Variants in SLC26A3 observed in about 807,000 individuals in gnomAD.
SLC26A3 encodes solute carrier family 26 member 3.
In SLC26A3, 64 loss-of-function variants were observed where a neutral mutation model predicts 85.6. The ratio of observed to expected loss-of-function variants is 0.75; its 90% CI spans 0.61 to 0.92. The LOEUF (loss-of-function observed/expected upper bound fraction) is 0.92, where lower values mean the gene tolerates loss of function less well. Ranked by LOEUF, SLC26A3 falls within the 40% of genes least tolerant of loss-of-function variation. The pLI is 0.00. For synonymous variants in SLC26A3, 349 were observed against 336.0 expected (o/e 1.04, Z -0.42); for missense variants, 922 against 927.3 (o/e 0.99, Z 0.07).
At chr7:107,800,074 C>T (rs1794574733) in intron 1 of SLC26A3, among the ~76,000 whole-genome samples, 1 of 152,214 alleles carries the variant, frequency 6.6e-6, no homozygotes, top group Non-Finnish European at 1.5e-5. Flanking sequence ...AGCTTCTTCA[C>T]TCCTCCTTCA....
intron 12 of SLC26A3, 79 bp from the exon 13 acceptor site, chr7:107,778,360 C>CTTTT (rs10681903): frequency 0.046 from 20,913 of 453,530 alleles, 309 homozygotes; most frequent in Non-Finnish European, 0.053. Context: ...TTTAAAAAGA[C>CTTTT]TTTTTTTTTT....
chr7:107,767,514 A>T, intron 20 of SLC26A3, 65 bp downstream of exon 20: 1 of 1,223,658 alleles, frequency 8.2e-7, no homozygotes, highest in Non-Finnish European at 1.2e-6. Context: ...AAGTGGCCTC[A>T]CTACTTTGAA....
chr7:107,800,151 C>T (rs948750049), intron 1 of SLC26A3, among the ~76,000 whole-genome samples: 6 of 152,158 alleles, frequency 3.9e-5, no homozygotes, highest in African/African-American at 1.4e-4. Context: ...ACATGATTTC[C>T]TTTGTGTTCT....
chr7:107,767,545 T>C (rs771314710), intron 20 of SLC26A3, 34 bp downstream of exon 20: 1 of 1,507,066 alleles, frequency 6.6e-7, no homozygotes, highest in East Asian at 2.3e-5. Context: ...TGCTGTGATG[T>C]CTAGGTGAAG....
At position 107,783,290 on chromosome 7, in the gene SLC26A3, C is replaced by T. The variant is rs975889065; in HGVS notation, c.1034G>A (p.Gly345Asp). ...TFQNTVGDCF[G>D]IAMVAFAVAF... ...CACTGCAAATGCAACCATTGCGATG[C>T]CGAAGCAATCTCCTACGGTGTTTTG... The change falls in exon 9 of 21, where the codon GGC (glycine) becomes GAC (aspartate). Residue 345 changes from glycine (G) to aspartate (D), a missense_variant. Transcript: ENST00000340010. 6.2e-7 allele frequency: 1 copy of T among 1,614,166 alleles called. No individual in the cohort carries two copies. The highest frequency in any genetic ancestry group is 1.3e-5 in the African/African-American group (1 of 75,040).
intron 18 of SLC26A3, among the ~76,000 whole-genome samples, chr7:107,770,004 T>G (rs1344732398): frequency 6.4e-5 from 2 of 31,258 alleles, no homozygotes; most frequent in East Asian, 2.5e-3. Flanking sequence ...TTTTTTCTCT[T>G]TCTTTCTTTC....
rs940870250 is a variant in SLC26A3 at position 107,786,916 on chromosome 7, A to C, written c.889-7T>G. 1.2e-6 allele frequency: 2 copies of C among 1,613,128 alleles called. No individual in the cohort carries two copies. The highest frequency in any genetic ancestry group is 2.7e-5 in the African/African-American group (2 of 74,906). On this transcript the variant is annotated splice_region_variant and splice_polypyrimidine_tract_variant and intron_variant, in intron 7 of 20. Transcript: ENST00000340010. ...CACCTGCTGCAATCACGGTCTGCAA[A>C]GTTGCAAATGGCCCAAGTTAGAAAT...
chr7:107,798,651 C>G (rs116868405), intron 1 of SLC26A3, among the ~76,000 whole-genome samples: 1 of 152,120 alleles, frequency 6.6e-6, no homozygotes, highest in Non-Finnish European at 1.5e-5. Context: ...CCAGCCCCTC[C>G]GCAGTCACAT....
At chr7:107,787,568 A>G in intron 6 of SLC26A3, 59 bp from the exon 7 acceptor site, 1 of 1,401,580 alleles carries the variant, frequency 7.1e-7, no homozygotes, top group Non-Finnish European at 1.0e-6. Context: ...TTTGGATACA[A>G]CGCATCTCCA....
Position 107,774,826 on chromosome 7 carries a change from A to G in SLC26A3, c.1724T>C (p.Leu575Ser). 6.2e-7 allele frequency: 1 copy of G among 1,614,168 alleles called. No individual in the cohort carries two copies. Among genetic ancestry groups the G allele is most frequent in the Non-Finnish European group, 8.5e-7 (1 of 1,180,012 alleles). ...CTTCTGCAGTTTTCGGATTTTCCTC[A>G]AAGCTTTGTTGCGCTTGCGTAGAAT... ...LRILRKRNKALRKIRKLQKQG... is the reference protein window; with the variant it reads ...LRILRKRNKASRKIRKLQKQG... Residue 575 changes from leucine (L) to serine (S), a missense_variant, in exon 16 of 21, where the codon TTG becomes TCG. By Grantham distance (145) the Leu-to-Ser change is moderately radical. Transcript: ENST00000340010.
At chr7:107,788,489 G>A (rs1281728125) in intron 6 of SLC26A3, among the ~76,000 whole-genome samples, 4 of 152,082 alleles carry the variant, frequency 2.6e-5, no homozygotes, top group Non-Finnish European at 5.9e-5. Context: ...CTAAAAGAAT[G>A]AGACATGCTT....
Position 107,791,170 on chromosome 7 carries a change from G to C in SLC26A3, c.448C>G (p.Pro150Ala). The C allele has an allele frequency of 6.2e-7, 1 of 1,614,114 alleles. No homozygotes were observed. The highest frequency in any genetic ancestry group is 1.6e-4 in the Middle Eastern group (1 of 6,062). The change falls in exon 5 of 21, where the codon CCA (proline) becomes GCA (alanine). Residue 150 changes from proline to alanine, a missense_variant. Coordinates refer to ENST00000340010, the MANE Select transcript of SLC26A3 (RefSeq NM_000111.3). The part of the protein sequence containing the change: ...AVSGAVSKAV[P>A]DRNATTLGLP... The stretch of plus-strand genomic sequence containing the variant: ...CCCAAAGTAGTTGCATTGCGATCTG[G>C]GACTGCTTTTGAAACTGCTCCTGAA...
At chr7:107,787,978 T>C (rs571680063) in intron 6 of SLC26A3, among the ~76,000 whole-genome samples, 7 of 152,358 alleles carry the variant, frequency 4.6e-5, no homozygotes, top group Admixed American at 4.6e-4. Flanking sequence ...TAGCTGACTC[T>C]CTATGTCACT....
chr7:107,778,949 C>G (rs986316046), intron 12 of SLC26A3, among the ~76,000 whole-genome samples: 1 of 152,040 alleles, frequency 6.6e-6, no homozygotes, highest in South Asian at 2.1e-4. Flanking sequence ...TAGGATGGCA[C>G]CATTGCACTC....
Position 107,791,869 on chromosome 7 carries a change from T to C in SLC26A3, c.343A>G (p.Ile115Val). 6.2e-7 allele frequency: 1 copy of C among 1,613,666 alleles called. No individual in the cohort carries two copies. Among genetic ancestry groups the C allele is most frequent in the South Asian group, 1.1e-5 (1 of 91,048 alleles). ...CTGGAAGTGCCGAAGAAAAGGTAGA[T>C]TATGGCTGGGAAAAAGGATGCATAC... The part of the protein sequence containing the change: ...GLYASFFPAI[I>V]YLFFGTSRHI... Residue 115 changes from isoleucine (I) to valine (V), a missense_variant, in exon 4 of 21, where the codon ATC (isoleucine) becomes GTC (valine). By Grantham distance (29) the Ile-to-Val change is conservative. Transcript: ENST00000340010.
chr7:107,797,234 C>T (rs910450780), intron 1 of SLC26A3, among the ~76,000 whole-genome samples: 2 of 152,186 alleles, frequency 1.3e-5, no homozygotes, highest in African/African-American at 4.8e-5. Context: ...TGGCTTACGC[C>T]TGTAATCCCA....
At chr7:107,766,937 T>G (rs1029726390) in intron 20 of SLC26A3, among the ~76,000 whole-genome samples, 3 of 152,116 alleles carry the variant, frequency 2.0e-5, no homozygotes, top group African/African-American at 7.2e-5. Flanking sequence ...TTATAAGGAT[T>G]GAGATAATGA....
At chr7:107,794,313 A>C in intron 2 of SLC26A3, 66 bp downstream of exon 2, 1 of 1,583,100 alleles carries the variant, frequency 6.3e-7, no homozygotes, top group South Asian at 1.1e-5. Flanking sequence ...TTGGAAAGTT[A>C]GAAAATTTAG....
chr7:107,789,829 G>T, intron 5 of SLC26A3, 141 bp from the exon 6 acceptor site: 1 of 871,948 alleles, frequency 1.1e-6, no homozygotes, highest in South Asian at 1.7e-5. Context: ...AAATGTCCCT[G>T]CCTCCTGGGA....
Sources: gnomAD v4.1 joint callset for allele counts (sites outside exome capture counted in the v4.1 genomes callset) on GRCh38, gnomAD v4.1.1 for gene constraint, MANE v1.5 for transcripts, NCBI Gene and HGNC (gene_info 2026-07-23, HGNC 2026-07-21) for gene names.